The following TMEM45A variants were observed in gnomAD, a reference collection of about 807,000 sequenced individuals.
TMEM45A encodes transmembrane protein 45A.
TMEM45A carries 25 observed loss-of-function variants against 32.0 expected under a neutral mutation model. The ratio of observed to expected loss-of-function variants is 0.78; its 90% CI spans 0.57 to 1.09. The LOEUF is 1.09. TMEM45A is among the 50% of genes least tolerant of loss of function. The pLI, the probability that TMEM45A is intolerant of heterozygous loss-of-function variation, is 0.00. For synonymous variants in TMEM45A, 122 were observed against 114.8 expected, an observed-to-expected ratio of 1.06 and a Z score of -0.40; for missense variants, 302 against 325.0, an observed-to-expected ratio of 0.93 and a Z score of 0.54.
intron 5 of TMEM45A, among the ~76,000 whole-genome samples, chr3:100,574,995 G>A (rs1004912896): frequency 6.6e-6 from 1 of 152,068 alleles, no homozygotes; most frequent in Non-Finnish European, 1.5e-5. Flanking sequence ...CAGAGCACAA[G>A]TAAAGCCATT....
At chr3:100,541,617 C>A (rs1203535389) in intron 1 of TMEM45A, among the ~76,000 whole-genome samples, 1 of 150,508 alleles carries the variant, frequency 6.6e-6, no homozygotes, top group Non-Finnish European at 1.5e-5. Context: ...GCCGCCTCAC[C>A]TTCCTGGGAT....
intron 1 of TMEM45A, among the ~76,000 whole-genome samples, chr3:100,508,139 C>G (rs1450345850): frequency 6.6e-6 from 1 of 152,048 alleles, no homozygotes; most frequent in Non-Finnish European, 1.5e-5. Flanking sequence ...CACATTTCCA[C>G]CATGGACTAC....
chr3:100,512,655 A>G (rs1708186423), intron 1 of TMEM45A, among the ~76,000 whole-genome samples: 1 of 150,544 alleles, frequency 6.6e-6, no homozygotes, highest in Non-Finnish European at 1.5e-5. Context: ...AGAGACACAA[A>G]AAACCCTTCA....
At chr3:100,509,441 C>T (rs1306060957) in intron 1 of TMEM45A, among the ~76,000 whole-genome samples, 1 of 152,094 alleles carries the variant, frequency 6.6e-6, no homozygotes, top group African/African-American at 2.4e-5. Flanking sequence ...GGATATTTAT[C>T]CAAAGGAAAA....
At chr3:100,493,414 A>G (rs538250114) in intron 1 of TMEM45A, among the ~76,000 whole-genome samples, 1 of 152,076 alleles carries the variant, frequency 6.6e-6, no homozygotes, top group African/African-American at 2.4e-5. Context: ...AACCTGGGTT[A>G]TGCAGGTAGT....
intron 1 of TMEM45A, among the ~76,000 whole-genome samples, chr3:100,497,722 G>A (rs540096349): frequency 6.6e-6 from 1 of 152,182 alleles, no homozygotes; most frequent in African/African-American, 2.4e-5. Flanking sequence ...CCATGTTGTG[G>A]TATGTGCCAG....
At chr3:100,512,135 C>G (rs1708175256) in intron 1 of TMEM45A, among the ~76,000 whole-genome samples, 1 of 152,190 alleles carries the variant, frequency 6.6e-6, no homozygotes, top group South Asian at 2.1e-4. Context: ...TAATAGACAT[C>G]TGCAGAACTC....
rs568204822 is a variant in TMEM45A at position 100,561,883 on chromosome 3, C to T, written c.588+3294C>T. Among the ~76,000 whole-genome samples, 17 of 152,314 alleles carry T rather than the reference C, an allele frequency of 1.1e-4. No homozygotes were observed. In the South Asian group the frequency reaches 2.1e-3, roughly 19 times the overall value. ...TCACTGCACAGATCCTGAGCCCAAACGAAAGCTCAGCCTTTGTTTTGCCTT... is the reference window on the plus strand; with the variant it reads ...TCACTGCACAGATCCTGAGCCCAAATGAAAGCTCAGCCTTTGTTTTGCCTT... On this transcript the variant is annotated intron_variant, in intron 4 of 5. Coordinates refer to ENST00000323523, the MANE Select transcript of TMEM45A (RefSeq NM_018004.3).
intron 5 of TMEM45A, chr3:100,570,484 G>T (rs769831984): frequency 2.6e-5 from 4 of 152,268 alleles, no homozygotes; most frequent in Non-Finnish European, 5.9e-5. Context: ...GGTGCTTTGG[G>T]TACTAGGAAA....
chr3:100,519,387 ATGTGTG>A (rs5851210), intron 1 of TMEM45A: 27 of 563,476 alleles, frequency 4.8e-5, no homozygotes, highest in African/African-American at 2.1e-4. Context: ...GTGTGTGTGC[ATGTGTG>A]TGTGTGTGTG....
At chr3:100,511,062 C>A (rs12107958) in intron 1 of TMEM45A, among the ~76,000 whole-genome samples, 32,427 of 151,848 alleles carry the variant, frequency 0.21, 3,699 homozygotes, top group Admixed American at 0.28. Context: ...GGATATTATC[C>A]AGGAGAACTT....
chr3:100,522,220 G>C (rs1026451336), intron 1 of TMEM45A, among the ~76,000 whole-genome samples: 1 of 152,162 alleles, frequency 6.6e-6, no homozygotes, highest in African/African-American at 2.4e-5. Context: ...GGGAAGCGAG[G>C]TGTGGAGGTG....
At chr3:100,547,453 A>C (rs1706000815) in intron 1 of TMEM45A, among the ~76,000 whole-genome samples, 1 of 152,154 alleles carries the variant, frequency 6.6e-6, no homozygotes, top group Non-Finnish European at 1.5e-5. Context: ...AGTAAGCTAG[A>C]GAAAAGAAAA....
At chr3:100,557,709 G>C (rs1438059604) in intron 3 of TMEM45A, among the ~76,000 whole-genome samples, 1 of 152,124 alleles carries the variant, frequency 6.6e-6, no homozygotes, top group Non-Finnish European at 1.5e-5. Flanking sequence ...ACAAGGGCTG[G>C]ATAAAAGATG....
At chr3:100,557,531 GA>G (rs1379156587) in intron 3 of TMEM45A, among the ~76,000 whole-genome samples, 1 of 138,160 alleles carries the variant, frequency 7.2e-6, no homozygotes, top group East Asian at 2.2e-4. Context: ...CTGTAGGGAG[GA>G]AAAAAGAAAA....
intron 1 of TMEM45A, among the ~76,000 whole-genome samples, chr3:100,530,338 C>T (rs372230009): frequency 5.3e-5 from 8 of 152,236 alleles, no homozygotes; most frequent in South Asian, 2.1e-4. Context: ...ATGTTGCAAT[C>T]GCAAAACCAA....
chr3:100,529,389 TC>T (rs1705606502), intron 1 of TMEM45A, among the ~76,000 whole-genome samples: 2 of 152,196 alleles, frequency 1.3e-5, no homozygotes, highest in South Asian at 4.2e-4. Flanking sequence ...AATAAGCAGC[TC>T]CTGGGTAGCG....
chr3:100,515,177 C>T (rs1373884613), intron 1 of TMEM45A, among the ~76,000 whole-genome samples: 1 of 151,862 alleles, frequency 6.6e-6, no homozygotes, highest in Non-Finnish European at 1.5e-5. Context: ...CACATGCACA[C>T]GTATGTTTAT....
chr3:100,560,068 AC>A (rs1223889158), intron 4 of TMEM45A, among the ~76,000 whole-genome samples: 1 of 152,084 alleles, frequency 6.6e-6, no homozygotes, highest in Admixed American at 6.6e-5. Context: ...GGAGGATGAA[AC>A]CAGGCTTTTG....
Sources: gnomAD v4.1 joint callset for allele counts (sites outside exome capture counted in the v4.1 genomes callset) on GRCh38, gnomAD v4.1.1 for gene constraint, MANE v1.5 for transcripts, NCBI Gene and HGNC (gene_info 2026-07-23, HGNC 2026-07-21) for gene names.